Variants in ANKFN1 observed in about 807,000 individuals in gnomAD.
ANKFN1 encodes ankyrin repeat and fibronectin type-III domain-containing protein 1.
Under a neutral mutation model 108.7 loss-of-function variants are expected in ANKFN1, and 74 were observed. The ratio of observed to expected loss-of-function variants is 0.68; its 90% CI spans 0.56 to 0.83. The LOEUF (loss-of-function observed/expected upper bound fraction) is 0.83, where lower values mean the gene tolerates loss of function less well. Among genes scored for constraint, ANKFN1 ranks in the 40% least tolerant of loss-of-function variants. The probability of loss-of-function intolerance (pLI) is 0.00; values close to 1 mark genes in which losing one functional copy is unlikely to be tolerated. For synonymous variants in ANKFN1, 547 were observed against 516.2 expected, an observed-to-expected ratio of 1.06 and a Z score of -0.81; for missense variants, 1,505 against 1,382.3, an observed-to-expected ratio of 1.09 and a Z score of -1.41.
upstream of ANKFN1, among the ~76,000 whole-genome samples, chr17:56,149,524 C>T (rs1908470128): frequency 6.6e-6 from 1 of 152,178 alleles, no homozygotes; most frequent in Non-Finnish European, 1.5e-5. Context: ...TTGTTTCCTC[C>T]TCAGGCTTAA....
intron 8 of ANKFN1, among the ~76,000 whole-genome samples, chr17:56,387,303 C>G (rs1435725765): frequency 1.3e-5 from 2 of 151,994 alleles, no homozygotes; most frequent in African/African-American, 4.8e-5. Flanking sequence ...TGTAAATGTT[C>G]CCCTGAGTAC....
In ANKFN1 at chr17:56,204,940, G is replaced by A. The variant is rs533943000; in HGVS notation, c.-70-7658G>A. 4.6e-5 allele frequency among the ~76,000 whole-genome samples: 7 copies of A among 152,236 alleles called. No homozygotes were observed. The South Asian group carries it at 1.5e-3, about 32-fold the overall frequency. ...AACACAAAATAATTAGCCAGGCGTG[G>A]TGGCGGGTGCCTGTAGTCCCAGCTA... On this transcript the variant is annotated intron_variant, in intron 1 of 20. Transcript: ENST00000682825.
chr17:56,124,872 G>C (rs1451620944), intron 4 of ANKFN1, among the ~76,000 whole-genome samples: 2 of 152,122 alleles, frequency 1.3e-5, no homozygotes, highest in Admixed American at 6.5e-5. Flanking sequence ...TCTCTTTCCT[G>C]GTCTCCGTGT....
intron 8 of ANKFN1, among the ~76,000 whole-genome samples, chr17:56,418,971 G>C (rs573639240): frequency 6.6e-6 from 1 of 152,176 alleles, no homozygotes; most frequent in Non-Finnish European, 1.5e-5. Context: ...GTTCAACTCC[G>C]ATCTCAGGGG....
At position 56,399,526 on chromosome 17, in the gene ANKFN1, G is replaced by A. The variant is rs555504997; in HGVS notation, c.910+24812G>A. 2.2e-4 allele frequency among the ~76,000 whole-genome samples: 33 copies of A among 151,542 alleles called. 1 individual carries two copies. In the South Asian group the frequency reaches 6.0e-3, roughly 28 times the overall value. ...AGTTATTGGGGTACAGGTGGTATTC[G>A]GTTACATGAGTAAGTTCTTTAGTGA... On this transcript the variant is annotated intron_variant, in intron 8 of 20. Coordinates refer to ENST00000682825, the MANE Select transcript of ANKFN1 (RefSeq NM_001370326.1).
intron 4 of ANKFN1, among the ~76,000 whole-genome samples, chr17:56,111,554 G>C (rs1022999368): frequency 1.1e-4 from 16 of 146,672 alleles, no homozygotes; most frequent in African/African-American, 4.0e-4. Flanking sequence ...CTGTAGTAAA[G>C]CTGGATTACT....
Position 56,492,304 on chromosome 17 carries a change from A to G in ANKFN1, c.2378A>G (p.Glu793Gly), listed in dbSNP as rs1368861455. ...QSLREAISDS[E>G]VAAAKQRHQQ... ...CTCAGGGAAGCAATCTCAGACAGCG[A>G]GGTTGCAGCTGCCAAACAAAGACAC... Residue 793 changes from glutamate (E) to glycine (G), a missense_variant, in exon 19 of 21, where the codon GAG (glutamate) becomes GGG (glycine). By Grantham distance (98) the Glu-to-Gly change is moderately conservative. Coordinates refer to ENST00000682825, the MANE Select transcript of ANKFN1 (RefSeq NM_001370326.1). The G allele has an allele frequency of 1.4e-6, 1 of 702,470 alleles. No individual in the cohort carries two copies. Among genetic ancestry groups the G allele is most frequent in the African/African-American group, 1.7e-5 (1 of 57,214 alleles). 43.5% of individuals were successfully genotyped at this position (702,470 alleles called of 1,614,324 possible). A position where few individuals can be genotyped will look rare whatever the true frequency, so the allele number is the denominator to read the frequency against.
chr17:56,136,599 A>G (rs1347067546), intron 4 of ANKFN1, among the ~76,000 whole-genome samples: 2 of 152,234 alleles, frequency 1.3e-5, no homozygotes, highest in East Asian at 1.9e-4. Flanking sequence ...GAAAGATGCT[A>G]TATCTGACAT....
At chr17:56,247,085 C>A (rs1358000691) in intron 3 of ANKFN1, among the ~76,000 whole-genome samples, 12 of 152,300 alleles carry the variant, frequency 7.9e-5, no homozygotes, top group Middle Eastern at 6.8e-3. Flanking sequence ...TCCTATCTAT[C>A]ATTTTTTCAT....
At chr17:56,080,766 A>C (rs1396915610) in intron 4 of ANKFN1, among the ~76,000 whole-genome samples, 1 of 152,204 alleles carries the variant, frequency 6.6e-6, no homozygotes, top group Admixed American at 6.5e-5. Context: ...GTATGTATAC[A>C]CGTTTTATGT....
chr17:56,347,063 T>A (rs9941399), intron 4 of ANKFN1, among the ~76,000 whole-genome samples: 15 of 151,726 alleles, frequency 9.9e-5, no homozygotes, highest in Non-Finnish European at 2.1e-4. Context: ...TATGTTTTTT[T>A]ATTTTTTTAT....
chr17:56,307,537 C>T (rs1367685998), intron 3 of ANKFN1, among the ~76,000 whole-genome samples: 1 of 152,208 alleles, frequency 6.6e-6, no homozygotes, highest in African/African-American at 2.4e-5. Flanking sequence ...GATACCATCT[C>T]ACACCAGTTA....
intron 3 of ANKFN1, among the ~76,000 whole-genome samples, chr17:56,325,004 T>C (rs573066468): frequency 6.6e-6 from 1 of 152,230 alleles, no homozygotes; most frequent in East Asian, 1.9e-4. Context: ...ATTTCCAGGA[T>C]TCTAAGCAAT....
chr17:56,143,817 C>T (rs1003829762), intron 4 of ANKFN1, among the ~76,000 whole-genome samples: 7 of 152,032 alleles, frequency 4.6e-5, no homozygotes, highest in Non-Finnish European at 7.4e-5. Context: ...TACAAGCCAA[C>T]GAATCCCAAG....
chr17:56,474,167 G>T (rs769306993), intron 15 of ANKFN1, among the ~76,000 whole-genome samples: 28 of 152,082 alleles, frequency 1.8e-4, no homozygotes, highest in Non-Finnish European at 3.7e-4. Flanking sequence ...CAATAAATAA[G>T]CTGAACAGAC....
chr17:56,467,795 A>AAAGAAAGAAAG (rs2050157407), intron 15 of ANKFN1, among the ~76,000 whole-genome samples: 11 of 17,702 alleles, frequency 6.2e-4, no homozygotes, highest in Admixed American at 1.5e-3. Context: ...AAGAAAGAAG[A>AAAGAAAGAAAG]AAGAAAGAAA....
intron 4 of ANKFN1, among the ~76,000 whole-genome samples, chr17:56,098,417 AACACAC>A (rs139037719): frequency 7.5e-5 from 11 of 146,498 alleles, no homozygotes; most frequent in Non-Finnish European, 1.5e-4. Context: ...CATACACACA[AACACAC>A]ACACACACAC....
intron 4 of ANKFN1, among the ~76,000 whole-genome samples, chr17:56,123,793 G>GAT (rs1182729931): frequency 1.5e-5 from 2 of 129,184 alleles, no homozygotes; most frequent in Non-Finnish European, 3.3e-5. Flanking sequence ...GTGCATGACT[G>GAT]ATTGTGTGTG....
At chr17:56,132,298 T>C (rs1439986630) in intron 4 of ANKFN1, among the ~76,000 whole-genome samples, 1 of 152,206 alleles carries the variant, frequency 6.6e-6, no homozygotes, top group African/African-American at 2.4e-5. Context: ...AAAGCAACTT[T>C]GGTGCTTTTT....
Sources: gnomAD v4.1 joint callset for allele counts (sites outside exome capture counted in the v4.1 genomes callset) on GRCh38, gnomAD v4.1.1 for gene constraint, MANE v1.5 for transcripts, NCBI Gene and HGNC (gene_info 2026-07-23, HGNC 2026-07-21) for gene names.